Variants in CDH4 observed in about 807,000 individuals in gnomAD.
CDH4 encodes the protein cadherin-4.
CDH4 carries 33 observed loss-of-function variants against 86.0 expected under a neutral mutation model. The ratio of observed to expected loss-of-function variants is 0.38; its 90% CI spans 0.29 to 0.51. The LOEUF (loss-of-function observed/expected upper bound fraction) is 0.51. Among genes scored for constraint, CDH4 ranks in the 20% least tolerant of loss-of-function variants. The pLI is 0.86. For missense variants in CDH4, 1,114 were observed against 1,307.4 expected (o/e 0.85, Z 2.28); for synonymous variants, 555 against 549.4 (o/e 1.01, Z -0.14).
At position 61,582,015 on chromosome 20, in the gene CDH4, C is replaced by T. The variant is rs980748417; in HGVS notation, c.170-161548C>T. ...CCTCAAGTCTCAGCCATCATGTGGG[C>T]GCCTCCTCAGGGCAGCCTGTGGGAA... On this transcript the variant is annotated intron_variant, in intron 2 of 15. Transcript: ENST00000614565. This position sits in a 1 kb window ranked among gnomAD's most constrained non-coding sequence, Gnocchi z 4.2. Among the ~76,000 whole-genome samples, 2 of 152,204 alleles carry T rather than the reference C, an allele frequency of 1.3e-5. No individual in the cohort carries two copies. Among genetic ancestry groups the T allele is most frequent in the African/African-American group, 2.4e-5 (1 of 41,450 alleles).
chr20:61,830,661 T>C (rs1478927145), intron 4 of CDH4, among the ~76,000 whole-genome samples: 1 of 152,208 alleles, frequency 6.6e-6, no homozygotes, highest in African/African-American at 2.4e-5. Flanking sequence ...GAAATGAACT[T>C]GGTCCCCCTT....
At chr20:61,625,142 C>T (rs1056133441) in intron 2 of CDH4, among the ~76,000 whole-genome samples, 1 of 152,114 alleles carries the variant, frequency 6.6e-6, no homozygotes, top group Non-Finnish European at 1.5e-5. Context: ...CCCCACAAAA[C>T]TCACCAGGGC....
rs1305658235 is a variant in CDH4 at position 61,708,675 on chromosome 20, G to T, written c.170-34888G>T. ...CACCCCACCCCTTCCCATCCTTGGG[G>T]CTCAGAGAAATGCTGCCTTCTCCGG... On this transcript the variant is annotated intron_variant, in intron 2 of 15. Transcript: ENST00000614565. The surrounding 1 kb of genome is among the most constrained non-coding windows in gnomAD (Gnocchi z 4.5). Among the ~76,000 whole-genome samples, 1 of 152,148 alleles carries T rather than the reference G, an allele frequency of 6.6e-6. No individual in the cohort carries two copies. The highest frequency in any genetic ancestry group is 1.5e-5 in the Non-Finnish European group (1 of 68,032).
intron 2 of CDH4, among the ~76,000 whole-genome samples, chr20:61,469,542 T>C (rs1251738327): frequency 1.3e-5 from 2 of 152,200 alleles, no homozygotes; most frequent in South Asian, 2.1e-4. Context: ...TTTCCTTTGC[T>C]GTGTGGAAGC....
At chr20:61,865,351 T>C (rs1289293078) in intron 6 of CDH4, among the ~76,000 whole-genome samples, 2 of 152,094 alleles carry the variant, frequency 1.3e-5, no homozygotes, top group Non-Finnish European at 2.9e-5. Context: ...GTGTAGATAA[T>C]GGGCTGGCTT....
chr20:61,743,363 C>A (rs376449809), intron 2 of CDH4, among the ~76,000 whole-genome samples, 200 bp from the exon 3 acceptor site: 21 of 152,322 alleles, frequency 1.4e-4, no homozygotes, highest in African/African-American at 3.8e-4. Context: ...TTCTTCCCCC[C>A]CTTTTTTAAA....
intron 2 of CDH4, among the ~76,000 whole-genome samples, chr20:61,621,733 C>T (rs1941668602): frequency 6.6e-6 from 1 of 152,192 alleles, no homozygotes; most frequent in Non-Finnish European, 1.5e-5. Context: ...AAAAGATAGC[C>T]ACTGAGACAT....
In CDH4 at chr20:61,811,920, C is replaced by T. The variant is rs1420814665; in HGVS notation, c.577-32748C>T. 6.6e-6 allele frequency among the ~76,000 whole-genome samples: 1 copy of T among 152,082 alleles called. No individual in the cohort carries two copies. The highest frequency in any genetic ancestry group is 2.4e-5 in the African/African-American group (1 of 41,404). On this transcript the variant is annotated intron_variant, in intron 4 of 15. Coordinates refer to ENST00000614565, the MANE Select transcript of CDH4 (RefSeq NM_001794.5). This position sits in a 1 kb window ranked among gnomAD's most constrained non-coding sequence, Gnocchi z 4.4. ...CTCCTGACCGCAGGTGATCCACCTA[C>T]CTCGGCCTCCCAAAGTGCTAGGATT...
At chr20:61,933,170 C>A in intron 14 of CDH4, 46 bp downstream of exon 14, 1 of 1,597,926 alleles carries the variant, frequency 6.3e-7, no homozygotes, top group South Asian at 1.1e-5. Context: ...GGCCGGCTCT[C>A]ACGTGTACTA....
chr20:61,496,551 G>T (rs572738917), intron 2 of CDH4, among the ~76,000 whole-genome samples: 1 of 152,284 alleles, frequency 6.6e-6, no homozygotes, highest in African/African-American at 2.4e-5. Flanking sequence ...ACACTTCTGT[G>T]TGTATCTCAG....
At chr20:61,656,307 A>G (rs113628014) in intron 2 of CDH4, among the ~76,000 whole-genome samples, 15,590 of 57,032 alleles carry the variant, frequency 0.27, 1,987 homozygotes, top group East Asian at 0.46. Flanking sequence ...GTGGGTAGGC[A>G]CGTGCTGAAG....
intron 2 of CDH4, among the ~76,000 whole-genome samples, chr20:61,476,172 T>A (rs2085534798): frequency 1.3e-5 from 2 of 152,236 alleles, no homozygotes; most frequent in South Asian, 4.1e-4. Context: ...TTCACACTGA[T>A]TCAAGTTTTA....
chr20:61,391,365 G>T (rs1046117371), intron 2 of CDH4, among the ~76,000 whole-genome samples: 1 of 152,142 alleles, frequency 6.6e-6, no homozygotes, highest in South Asian at 2.1e-4. Flanking sequence ...GGAGAAAGGT[G>T]GGGGGCAGCT....
chr20:61,656,472 G>T (rs918946085), intron 2 of CDH4, among the ~76,000 whole-genome samples: 1 of 152,150 alleles, frequency 6.6e-6, no homozygotes, highest in Non-Finnish European at 1.5e-5. Context: ...ACAGGTGCGT[G>T]TTGGGGTGGG....
chr20:61,274,160 G>A (rs1411267924), intron 2 of CDH4, among the ~76,000 whole-genome samples: 1 of 138,690 alleles, frequency 7.2e-6, no homozygotes. Context: ...AGTACCATGT[G>A]CAGTTTGGGG....
At chr20:61,468,468 G>A (rs1182297145) in intron 2 of CDH4, among the ~76,000 whole-genome samples, 1 of 152,050 alleles carries the variant, frequency 6.6e-6, no homozygotes, top group East Asian at 1.9e-4. Flanking sequence ...GAGATATTTT[G>A]ATTTAGATAT....
chr20:61,450,639 C>T lies in CDH4; in HGVS notation c.169+195702C>T, dbSNP rs192275105. Among the ~76,000 whole-genome samples the T allele has an allele frequency of 5.6e-3, 850 of 152,086 alleles. 5 individuals carry two copies. The highest frequency in any genetic ancestry group is 7.8e-3 in the Non-Finnish European group (528 of 67,986). ...ATTCCTATTAAAAGCTCAGTTCCCT[C>T]ATCATTGTCCCAAACCGAGAAGGTG... On this transcript the variant is annotated intron_variant, in intron 2 of 15. Coordinates refer to ENST00000614565, the MANE Select transcript of CDH4 (RefSeq NM_001794.5).
chr20:61,540,228 G>C (rs149420928), intron 2 of CDH4, among the ~76,000 whole-genome samples: 1 of 152,148 alleles, frequency 6.6e-6, no homozygotes, highest in Non-Finnish European at 1.5e-5. Flanking sequence ...AGAAACTGCC[G>C]TTAGGAAGAC....
chr20:61,373,509 A>C (rs548074595), intron 2 of CDH4, among the ~76,000 whole-genome samples: 1 of 152,346 alleles, frequency 6.6e-6, no homozygotes, highest in East Asian at 1.9e-4. Flanking sequence ...TCTCATAATG[A>C]ATGTCGTCCT....
Sources: allele counts gnomAD v4.1 joint callset (sites outside exome capture counted in the v4.1 genomes callset), GRCh38; gene constraint gnomAD v4.1.1; non-coding constraint Gnocchi (gnomAD v3.1); transcripts MANE v1.5; gene names NCBI Gene and HGNC (gene_info 2026-07-23, HGNC 2026-07-21).